MAP4K4: variants seen among roughly 807,000 people sequenced by gnomAD.
MAP4K4 encodes the protein HPK/GCK-like kinase HGK.
A neutral mutation model predicts 189.6 loss-of-function variants in MAP4K4; 38 were observed. That is an observed-to-expected ratio of 0.20 (90% CI 0.15 to 0.26). The LOEUF (loss-of-function observed/expected upper bound fraction) is 0.26, where lower values mean the gene tolerates loss of function less well. Ranked by LOEUF, MAP4K4 falls within the 10% of genes least tolerant of loss-of-function variation. MAP4K4 has a pLI of 1.00. For synonymous variants in MAP4K4, 610 were observed against 624.3 expected, an observed-to-expected ratio of 0.98 and a Z score of 0.34; for missense variants, 1,054 against 1,726.9, an observed-to-expected ratio of 0.61 and a Z score of 6.91.
chr2:101,762,566 G>A (rs1183945618), intron 2 of MAP4K4, among the ~76,000 whole-genome samples: 1 of 152,202 alleles, frequency 6.6e-6, no homozygotes, highest in African/African-American at 2.4e-5. Flanking sequence ...GTCAGCTCTT[G>A]TAGAGGTAAA....
chr2:101,788,742 C>T (rs2092244008), intron 2 of MAP4K4, among the ~76,000 whole-genome samples: 1 of 152,116 alleles, frequency 6.6e-6, no homozygotes, highest in South Asian at 2.1e-4. Flanking sequence ...ATTCACAGTT[C>T]TCAGCTTTTA....
intron 2 of MAP4K4, among the ~76,000 whole-genome samples, chr2:101,725,087 C>G (rs1273794242): frequency 6.6e-6 from 1 of 152,192 alleles, no homozygotes; most frequent in Non-Finnish European, 1.5e-5. Context: ...TGATGTTTCT[C>G]ACATGGATGA....
Position 101,831,867 on chromosome 2 carries a change from T to TC in MAP4K4, c.639+18dup. On this transcript the variant is annotated intron_variant, in intron 7 of 32. Transcript: ENST00000324219. ...TGATTACAGAGTAAGAGGCACCTGC[T>TC]CCGTAGGCCTTTGCAGGGCCACTGG... The TC allele has an allele frequency of 1.2e-6, 2 of 1,611,640 alleles. No homozygotes were observed. Among genetic ancestry groups the TC allele is most frequent in the Non-Finnish European group, 1.7e-6 (2 of 1,178,988 alleles).
At chr2:101,816,829 T>C (rs1398860589) in intron 3 of MAP4K4, among the ~76,000 whole-genome samples, 1 of 152,146 alleles carries the variant, frequency 6.6e-6, no homozygotes, top group African/African-American at 2.4e-5. Context: ...TAGGCCTCCC[T>C]GCACAACTGA....
chr2:101,718,912 A>G (rs1260419718), intron 2 of MAP4K4, among the ~76,000 whole-genome samples: 1 of 152,200 alleles, frequency 6.6e-6, no homozygotes, highest in Non-Finnish European at 1.5e-5. Flanking sequence ...AAATGTTGGT[A>G]GTTCACTGGA....
At chr2:101,767,365 G>C (rs943544865) in intron 2 of MAP4K4, among the ~76,000 whole-genome samples, 1 of 152,100 alleles carries the variant, frequency 6.6e-6, no homozygotes, top group Non-Finnish European at 1.5e-5. Flanking sequence ...GCTTTTATTA[G>C]AATTTTTTTT....
intron 9 of MAP4K4, among the ~76,000 whole-genome samples, chr2:101,838,641 C>T (rs141107315): frequency 9.4e-4 from 143 of 152,176 alleles, no homozygotes; most frequent in African/African-American, 3.3e-3. Flanking sequence ...GATATATGTC[C>T]GCTGTTGTGT....
chr2:101,845,534 T>C (rs2097077078), intron 12 of MAP4K4, among the ~76,000 whole-genome samples: 1 of 152,244 alleles, frequency 6.6e-6, no homozygotes, highest in African/African-American at 2.4e-5. Flanking sequence ...GTGTGGCCTC[T>C]TGCTTCTAGG....
chr2:101,699,471 A>G (rs6543087), intron 2 of MAP4K4, among the ~76,000 whole-genome samples: 3 of 152,020 alleles, frequency 2.0e-5, no homozygotes, highest in Non-Finnish European at 2.9e-5. Flanking sequence ...TTGTTTCTCA[A>G]TACTGAACGT....
At chr2:101,698,522 A>T (rs1247613496) in exon 2 of MAP4K4, 1 of 1,613,698 alleles carries the variant, frequency 6.2e-7, no homozygotes, top group Non-Finnish European at 8.5e-7. Flanking sequence ...AATGGCACCT[A>T]TGGACAAGTC....
chr2:101,859,448 A>G (rs913111021), intron 14 of MAP4K4, among the ~76,000 whole-genome samples, 195 bp from the exon 15 acceptor site: 6 of 152,180 alleles, frequency 3.9e-5, no homozygotes, highest in African/African-American at 9.7e-5. Context: ...ACTCTGTCCA[A>G]TGATAATTAT....
intron 10 of MAP4K4, among the ~76,000 whole-genome samples, chr2:101,840,537 G>T (rs1395766856): frequency 2.0e-5 from 3 of 152,142 alleles, no homozygotes; most frequent in Non-Finnish European, 4.4e-5. Flanking sequence ...CAGTAACTTT[G>T]TTTTATGTCT....
intron 2 of MAP4K4, among the ~76,000 whole-genome samples, chr2:101,766,853 G>T (rs966097562): frequency 1.3e-5 from 2 of 152,148 alleles, no homozygotes; most frequent in Admixed American, 1.3e-4. Flanking sequence ...CACAAACAAA[G>T]CAAGGAAAGA....
At chr2:101,800,339 C>T (rs775897483) in intron 3 of MAP4K4, among the ~76,000 whole-genome samples, 10 of 152,124 alleles carry the variant, frequency 6.6e-5, no homozygotes, top group Non-Finnish European at 1.3e-4. Context: ...CTCAAGCAGT[C>T]CTCCTGCCTT....
chr2:101,762,287 C>T lies in MAP4K4; in HGVS notation c.124-28433C>T, dbSNP rs557200236. Among the ~76,000 whole-genome samples, 8 of 152,270 alleles carry T rather than the reference C, an allele frequency of 5.3e-5. No individual in the cohort carries two copies. The South Asian group carries it at 1.7e-3, about 32-fold the overall frequency. On this transcript the variant is annotated intron_variant, in intron 2 of 32. Coordinates refer to ENST00000324219, the Ensembl canonical transcript of MAP4K4. The stretch of plus-strand genomic sequence containing the variant: ...ATATGGAGTCTGGCAAATTGCCACA[C>T]CTAGGTAAGATGCTTAATCGACCCT...
chr2:101,876,468 A>T (rs137924080), intron 26 of MAP4K4, among the ~76,000 whole-genome samples: 227 of 152,332 alleles, frequency 1.5e-3, no homozygotes, highest in African/African-American at 5.4e-3. Context: ...TTTCTTGATG[A>T]TGGTGGAAAG....
Position 101,859,636 on chromosome 2 carries a change from C to T in MAP4K4, c.1483-7C>T, listed in dbSNP as rs546468532. 2 of 1,594,732 alleles carry T rather than the reference C, an allele frequency of 1.3e-6. No homozygotes were observed. The highest frequency in any genetic ancestry group is 1.1e-5 in the South Asian group (1 of 88,014). ...ATAGATTTAGTGTTATCCTCTCCCT[C>T]TCCAAGGAGTGCCGATGGCGGGAGA... On this transcript the variant is annotated splice_polypyrimidine_tract_variant and splice_region_variant and intron_variant, in intron 14 of 32. Coordinates refer to ENST00000324219, the Ensembl canonical transcript of MAP4K4.
At chr2:101,834,831 C>T (rs1480904517) in intron 8 of MAP4K4, among the ~76,000 whole-genome samples, 1 of 152,170 alleles carries the variant, frequency 6.6e-6, no homozygotes, top group East Asian at 1.9e-4. Context: ...TAAGTTTTGA[C>T]TTTACAAATG....
At chr2:101,815,584 A>T (rs1235366364) in intron 3 of MAP4K4, among the ~76,000 whole-genome samples, 1 of 152,064 alleles carries the variant, frequency 6.6e-6, no homozygotes, top group African/African-American at 2.4e-5. Flanking sequence ...TTTTAGTTAG[A>T]TTCCACACAT....
Sources: gnomAD v4.1 joint callset for allele counts (sites outside exome capture counted in the v4.1 genomes callset) on GRCh38, gnomAD v4.1.1 for gene constraint, MANE v1.5 for transcripts, NCBI Gene and HGNC (gene_info 2026-07-23, HGNC 2026-07-21) for gene names.